The following STAM variants were observed in gnomAD, a reference collection of about 807,000 sequenced individuals.
STAM encodes signal transducing adaptor molecule, also known as signal transducing adapter molecule 1.
STAM carries 16 observed loss-of-function variants against 63.4 expected under a neutral mutation model. The ratio of observed to expected loss-of-function variants is 0.25; its 90% CI spans 0.17 to 0.38. The LOEUF (loss-of-function observed/expected upper bound fraction) is 0.38. Ranked by LOEUF, STAM falls within the 10% of genes least tolerant of loss-of-function variation. The probability of loss-of-function intolerance (pLI) is 1.00; values close to 1 mark genes in which losing one functional copy is unlikely to be tolerated. For synonymous variants in STAM, 238 were observed against 223.9 expected (o/e 1.06, Z -0.56); for missense variants, 636 against 657.1 (o/e 0.97, Z 0.35).
chr10:17,648,425 A>C (rs1206402207), intron 1 of STAM, among the ~76,000 whole-genome samples: 3 of 152,226 alleles, frequency 2.0e-5, no homozygotes, highest in Admixed American at 6.5e-5. Context: ...TGGGCACCCT[A>C]GCCAGCAGCA....
intron 2 of STAM, among the ~76,000 whole-genome samples, chr10:17,681,909 A>G (rs1835101771): frequency 6.6e-6 from 1 of 152,230 alleles, no homozygotes; most frequent in Non-Finnish European, 1.5e-5. Context: ...TTCGTAGGTT[A>G]TATGAATGAT....
At chr10:17,666,149 T>C (rs1834366268) in intron 2 of STAM, among the ~76,000 whole-genome samples, 2 of 152,208 alleles carry the variant, frequency 1.3e-5, no homozygotes, top group Admixed American at 1.3e-4. Context: ...AGATTAAGTT[T>C]TGCTGTTATT....
intron 10 of STAM, 34 bp from the exon 11 acceptor site, chr10:17,704,936 C>A: frequency 6.4e-7 from 1 of 1,568,626 alleles, no homozygotes; most frequent in Non-Finnish European, 8.7e-7. Flanking sequence ...TTTTCTTGTA[C>A]TTTCTTATAT....
chr10:17,667,422 C>T (rs1173531561), intron 2 of STAM, among the ~76,000 whole-genome samples: 15 of 152,164 alleles, frequency 9.9e-5, no homozygotes, highest in African/African-American at 3.6e-4. Context: ...GCATCCAGCC[C>T]ATAGAATTTT....
intron 13 of STAM, among the ~76,000 whole-genome samples, chr10:17,709,368 T>C (rs141931235): frequency 6.6e-6 from 1 of 152,190 alleles, no homozygotes; most frequent in Non-Finnish European, 1.5e-5. Flanking sequence ...TTAAGACAAA[T>C]ATTTTCTTAT....
intron 13 of STAM, among the ~76,000 whole-genome samples, chr10:17,712,298 G>A (rs1836589118): frequency 6.6e-6 from 1 of 152,100 alleles, no homozygotes. Context: ...TTCTAAACCA[G>A]ACATTCTGAC....
chr10:17,688,504 C>T (rs908301761), intron 5 of STAM, among the ~76,000 whole-genome samples: 1 of 151,986 alleles, frequency 6.6e-6, no homozygotes, highest in African/African-American at 2.4e-5. Flanking sequence ...TGTTTGTCGC[C>T]CTGGGTAGAG....
chr10:17,709,778 ACTC>A (rs1360208891), intron 13 of STAM, among the ~76,000 whole-genome samples: 1 of 150,020 alleles, frequency 6.7e-6, no homozygotes, highest in Non-Finnish European at 1.5e-5. Context: ...CTCTTGCACT[ACTC>A]ATCCTCAAAG....
At chr10:17,667,517 C>T (rs960481768) in intron 2 of STAM, among the ~76,000 whole-genome samples, 4 of 152,164 alleles carry the variant, frequency 2.6e-5, no homozygotes, top group South Asian at 2.1e-4. Context: ...ATTCTCTTTG[C>T]GTTCGTCATT....
Position 17,714,640 on chromosome 10 carries a change from G to A in STAM, c.1483G>A (p.Val495Ile), listed in dbSNP as rs1417402387. 3 of 1,614,128 alleles carry A rather than the reference G, an allele frequency of 1.9e-6. No homozygotes were observed. Among genetic ancestry groups the A allele is most frequent in the Admixed American group, 3.3e-5 (2 of 60,006 alleles). Residue 495 changes from valine (V) to isoleucine (I), a missense_variant, in exon 14 of 14, where the codon GTC (valine) becomes ATC (isoleucine). This residue lies in a region of STAM where 532 missense variants were observed against 536.9 expected (regional missense o/e 0.99). Transcript: ENST00000377524. ...AATAAAATAD[V>I]TLYQNAGPNM... Reference sequence around the variant, plus strand: ...TACTGCTGCTGCTGCAACTGCCGATGTCACTCTGTACCAGAATGCAGGACC... The same window carrying A: ...TACTGCTGCTGCTGCAACTGCCGATATCACTCTGTACCAGAATGCAGGACC...
intron 4 of STAM, among the ~76,000 whole-genome samples, chr10:17,686,165 T>C (rs1420580217): frequency 6.6e-6 from 1 of 152,214 alleles, no homozygotes; most frequent in Non-Finnish European, 1.5e-5. Context: ...TGTCTTTTAA[T>C]GTCCTGAATG....
chr10:17,681,010 T>G (rs776736487), intron 2 of STAM, among the ~76,000 whole-genome samples: 1 of 152,156 alleles, frequency 6.6e-6, no homozygotes, highest in Non-Finnish European at 1.5e-5. Flanking sequence ...CTGGAGCATA[T>G]GGTAATTCTA....
chr10:17,700,366 T>A (rs1333683523), intron 9 of STAM, 87 bp downstream of exon 9: 2 of 1,025,426 alleles, frequency 2.0e-6, no homozygotes, highest in Non-Finnish European at 2.8e-6. Flanking sequence ...TTACTTGAGT[T>A]TTTTTGTTGT....
chr10:17,655,341 A>G (rs1404286780), intron 1 of STAM, among the ~76,000 whole-genome samples: 2 of 152,162 alleles, frequency 1.3e-5, no homozygotes, highest in African/African-American at 2.4e-5. Flanking sequence ...ATTAATTCTT[A>G]TGCAAGGAAT....
chr10:17,680,351 C>A (rs1347957381), intron 2 of STAM, among the ~76,000 whole-genome samples: 2 of 152,018 alleles, frequency 1.3e-5, no homozygotes, highest in African/African-American at 4.8e-5. Context: ...AATAACTCCC[C>A]ATTCGCTGCT....
intron 9 of STAM, among the ~76,000 whole-genome samples, chr10:17,702,196 A>T (rs977325853): frequency 2.6e-5 from 4 of 152,144 alleles, no homozygotes; most frequent in Non-Finnish European, 5.9e-5. Context: ...TTGCATATTA[A>T]TAATAATAAT....
At position 17,654,324 on chromosome 10, in the gene STAM, G is replaced by A. The variant is rs538568924; in HGVS notation, c.41-6140G>A. Among the ~76,000 whole-genome samples, 66 of 152,110 alleles carry A rather than the reference G, an allele frequency of 4.3e-4. 1 individual carries two copies. In the South Asian group the frequency reaches 7.3e-3, roughly 17 times the overall value. On this transcript the variant is annotated intron_variant, in intron 1 of 13. Coordinates refer to ENST00000377524, the MANE Select transcript of STAM (RefSeq NM_003473.4). ...TGCAAGCTCCACCTCCCAGGTTCAC[G>A]CCATTCTCCTGCCTCAGCCTCCCAG...
intron 13 of STAM, among the ~76,000 whole-genome samples, chr10:17,713,515 C>T (rs1350074880): frequency 1.3e-5 from 2 of 152,102 alleles, no homozygotes; most frequent in Non-Finnish European, 2.9e-5. Context: ...ACCCCTCCCA[C>T]CCCCGAGTCT....
In STAM at chr10:17,705,638, C is replaced by G; in HGVS notation, c.1106C>G (p.Ser369Cys). 1 of 1,613,808 alleles carries G rather than the reference C, an allele frequency of 6.2e-7. No homozygotes were observed. The highest frequency in any genetic ancestry group is 8.5e-7 in the Non-Finnish European group (1 of 1,179,906). ...AATGTGAAAGTGATGGAGGCCCTTT[C>G]CTTATATACCAAGTTAATGAACGAA... ...ELNVKVMEAL[S>C]LYTKLMNEDP... Residue 369 changes from serine to cysteine, a missense_variant, in exon 12 of 14, where the codon TCC (serine) becomes TGC (cysteine). Coordinates refer to ENST00000377524, the MANE Select transcript of STAM (RefSeq NM_003473.4).
Sources: gnomAD v4.1 joint callset for allele counts (sites outside exome capture counted in the v4.1 genomes callset) on GRCh38, gnomAD v4.1.1 for gene constraint, gnomAD v4.1.1 regional missense constraint, MANE v1.5 for transcripts, NCBI Gene and HGNC (gene_info 2026-07-23, HGNC 2026-07-21) for gene names.